Variants in KIAA0319 observed in about 807,000 individuals in gnomAD.
KIAA0319 encodes the protein dyslexia-associated protein KIAA0319.
KIAA0319 carries 83 observed loss-of-function variants against 108.4 expected under a neutral mutation model. The ratio of observed to expected loss-of-function variants is 0.77; its 90% CI spans 0.64 to 0.92. KIAA0319 has a LOEUF of 0.92. Ranked by LOEUF, KIAA0319 falls within the 40% of genes least tolerant of loss-of-function variation. KIAA0319 has a pLI of 0.00. For missense variants in KIAA0319, 1,195 were observed against 1,322.4 expected (o/e 0.90, Z 1.49); for synonymous variants, 484 against 510.4 (o/e 0.95, Z 0.70).
intron 1 of KIAA0319, among the ~76,000 whole-genome samples, chr6:24,611,597 G>C (rs985775095): frequency 8.5e-5 from 13 of 152,160 alleles, no homozygotes; most frequent in African/African-American, 3.1e-4. Flanking sequence ...CAGTAGAAGT[G>C]TCAACAACAA....
intron 10 of KIAA0319, among the ~76,000 whole-genome samples, chr6:24,576,132 A>C (rs1301628977): frequency 1.3e-5 from 2 of 152,214 alleles, no homozygotes; most frequent in African/African-American, 4.8e-5. Context: ...CTCAAGATCT[A>C]ATTTTCAGCA....
At position 24,599,057 on chromosome 6, in the gene KIAA0319, G is replaced by A. The variant is rs1770198143; in HGVS notation, c.55+1992C>T. The A allele has an allele frequency of 2.7e-6, 2 of 743,116 alleles. No individual in the cohort carries two copies. Among genetic ancestry groups the A allele is most frequent in the East Asian group, 5.1e-5 (2 of 38,910 alleles). The allele number at this position is 743,116 out of a possible 1,614,324, so 46.0% of individuals were successfully genotyped here. On this transcript the variant is annotated intron_variant, in intron 2 of 20. Coordinates refer to ENST00000378214, the MANE Select transcript of KIAA0319 (RefSeq NM_014809.4). This position sits in a 1 kb window ranked among gnomAD's most constrained non-coding sequence, Gnocchi z 4.1. The stretch of plus-strand genomic sequence containing the variant: ...TGTATGAAGAGGAGATCCAGGAGCT[G>A]CAGTCCCAGATCTGGGACACATCTG...
At chr6:24,571,196 GAA>G (rs376462056) in intron 11 of KIAA0319, among the ~76,000 whole-genome samples, 1 of 140,276 alleles carries the variant, frequency 7.1e-6, no homozygotes. Flanking sequence ...TGTCTCGAGG[GAA>G]AAAAAAAAAG....
chr6:24,587,299 C>G (rs910415336), intron 4 of KIAA0319, among the ~76,000 whole-genome samples: 1 of 151,398 alleles, frequency 6.6e-6, no homozygotes, highest in South Asian at 2.1e-4. Context: ...TGGTTTGAGA[C>G]GGAATCTCAC....
At chr6:24,567,139 G>A (rs1015894253) in intron 13 of KIAA0319, among the ~76,000 whole-genome samples, 8 of 151,664 alleles carry the variant, frequency 5.3e-5, no homozygotes, top group African/African-American at 1.9e-4. Flanking sequence ...TATCTGGCCA[G>A]AAATATTTCC....
At chr6:24,594,156 G>GC (rs1475539414) in intron 3 of KIAA0319, among the ~76,000 whole-genome samples, 5 of 124,030 alleles carry the variant, frequency 4.0e-5, no homozygotes, top group African/African-American at 6.4e-5. Flanking sequence ...CCAAGACCAT[G>GC]CCACTGCACT....
intron 1 of KIAA0319, among the ~76,000 whole-genome samples, chr6:24,622,864 C>T (rs557370992): frequency 2.6e-5 from 4 of 152,168 alleles, no homozygotes; most frequent in South Asian, 4.2e-4. Context: ...GCCAACGAAA[C>T]CCTGTCTCTA....
chr6:24,576,492 T>C lies in KIAA0319; in HGVS notation c.1610A>G (p.His537Arg), dbSNP rs527877427. 4 of 1,614,012 alleles carry C rather than the reference T, an allele frequency of 2.5e-6. No individual in the cohort carries two copies. Among genetic ancestry groups the C allele is most frequent in the Non-Finnish European group, 3.4e-6 (4 of 1,180,024 alleles). ...YPPVANAGPN[H>R]TITLPQNSIT... ...GGAGTTTTGGGGCAAAGTTATGGTG[T>C]GATTTGGTCCTGCATTAGCAACTGG... The change falls in exon 10 of 21, where the codon CAC (histidine) becomes CGC (arginine). Residue 537 changes from histidine to arginine, a missense_variant. Physicochemically the swap from His to Arg is conservative, Grantham distance 29. Transcript: ENST00000378214.
At chr6:24,611,270 G>A (rs1333238123) in intron 1 of KIAA0319, among the ~76,000 whole-genome samples, 3 of 151,570 alleles carry the variant, frequency 2.0e-5, no homozygotes, top group Non-Finnish European at 4.4e-5. Context: ...AGGCCAAGGT[G>A]GGCAGATCAC....
At chr6:24,619,704 A>AG (rs1369014824) in intron 1 of KIAA0319, among the ~76,000 whole-genome samples, 3 of 152,074 alleles carry the variant, frequency 2.0e-5, no homozygotes, top group Admixed American at 1.3e-4. Flanking sequence ...AAAATGCACG[A>AG]GGGGGGAAAT....
chr6:24,617,021 GA>G (rs1160684996), intron 1 of KIAA0319, among the ~76,000 whole-genome samples: 1 of 152,066 alleles, frequency 6.6e-6, no homozygotes, highest in Non-Finnish European at 1.5e-5. Context: ...ATGTTAAAGG[GA>G]TGGTCAAGTA....
At chr6:24,629,141 T>C (rs1172958912) in intron 1 of KIAA0319, among the ~76,000 whole-genome samples, 2 of 152,272 alleles carry the variant, frequency 1.3e-5, no homozygotes, top group African/African-American at 2.4e-5. Context: ...ATCTACCTTA[T>C]AGTGAGACAA....
intron 11 of KIAA0319, among the ~76,000 whole-genome samples, chr6:24,571,185 C>T (rs1444528305): frequency 6.7e-6 from 1 of 149,324 alleles, no homozygotes; most frequent in African/African-American, 2.5e-5. Flanking sequence ...GAGTGAGACT[C>T]TGTCTCGAGG....
chr6:24,612,515 A>G (rs1184034356), intron 1 of KIAA0319, among the ~76,000 whole-genome samples: 1 of 152,202 alleles, frequency 6.6e-6, no homozygotes, highest in Non-Finnish European at 1.5e-5. Context: ...AATGTGTGTC[A>G]GCAGAAAACC....
intron 4 of KIAA0319, among the ~76,000 whole-genome samples, chr6:24,587,377 T>C (rs1767688213): frequency 6.6e-6 from 1 of 151,786 alleles, no homozygotes; most frequent in Admixed American, 6.6e-5. Flanking sequence ...GCCTCCCGGG[T>C]TCATGCCATT....
intron 16 of KIAA0319, among the ~76,000 whole-genome samples, chr6:24,560,556 T>C (rs993166829): frequency 6.6e-6 from 1 of 152,212 alleles, no homozygotes; most frequent in Non-Finnish European, 1.5e-5. Flanking sequence ...GTGAAACACG[T>C]CCCACGAAGT....
chr6:24,586,309 T>TTTTG lies in KIAA0319; in HGVS notation c.994+2280_994+2283dup, dbSNP rs148960150. ...TACAAGGATTATTTTGAGCTGTGTT[T>TTTTG]TTTGTTTGTTTGTTTGTTTGTTTTG... On this transcript the variant is annotated intron_variant, in intron 4 of 20. Transcript: ENST00000378214. Among the ~76,000 whole-genome samples the TTTTG allele has an allele frequency of 6.2e-3, 950 of 152,154 alleles. 14 individuals carry two copies. Among genetic ancestry groups the TTTTG allele is most frequent in the African/African-American group, 0.021 (878 of 41,538 alleles).
rs1178435044 is a variant in KIAA0319, at chr6:24,556,719, C to G, written c.2745G>C (p.Leu915=). ...VLRVDTAGCL[L]KCSGHGHCDP... is the part of the protein sequence containing the mutation. The stretch of plus-strand genomic sequence containing the variant: ...CGCAGTGACCATGGCCAGAACACTT[C>G]AGAAGGCAACCTGCAAAGAGGTGTG... The change falls in exon 18 of 21, where the codon CTG becomes CTC. Residue 915 remains leucine, a synonymous_variant. Coordinates refer to ENST00000378214, the MANE Select transcript of KIAA0319 (RefSeq NM_014809.4). The G allele has an allele frequency of 6.2e-7, 1 of 1,613,440 alleles. No individual in the cohort carries two copies. The highest frequency in any genetic ancestry group is 8.5e-7 in the Non-Finnish European group (1 of 1,179,872).
chr6:24,551,970 A>G (rs1478358262), intron 19 of KIAA0319, among the ~76,000 whole-genome samples: 1 of 152,182 alleles, frequency 6.6e-6, no homozygotes, highest in Non-Finnish European at 1.5e-5. Flanking sequence ...AAATTATAAT[A>G]AATTCCCACA....
Sources: gnomAD v4.1 joint callset for allele counts (sites outside exome capture counted in the v4.1 genomes callset) on GRCh38, gnomAD v4.1.1 for gene constraint, Gnocchi (gnomAD v3.1) non-coding constraint, MANE v1.5 for transcripts, NCBI Gene and HGNC (gene_info 2026-07-23, HGNC 2026-07-21) for gene names.